The following ZNF735 variants were observed in gnomAD, a reference collection of about 807,000 sequenced individuals.
The protein encoded by ZNF735 is putative zinc finger protein 735.
A neutral mutation model predicts 13.4 loss-of-function variants in ZNF735; 11 were observed. The observed-to-expected ratio is 0.82, with a 90% CI of 0.52 to 1.36. The LOEUF (loss-of-function observed/expected upper bound fraction) is 1.36. Ranked by LOEUF, ZNF735 falls within the 40% of genes most tolerant of loss-of-function variation. The pLI, the probability that ZNF735 is intolerant of heterozygous loss-of-function variation, is 0.00. For missense variants in ZNF735, 500 were observed against 484.6 expected, an observed-to-expected ratio of 1.03 and a Z score of -0.30; for synonymous variants, 171 against 162.6, an observed-to-expected ratio of 1.05 and a Z score of -0.39.
At position 64,209,228 on chromosome 7, in the gene ZNF735, G is replaced by GTT. The variant is rs377315967; in HGVS notation, c.39+1998_39+1999dup. ...CCACAACCTCACAAGCATCTGTTCCGTTTTTTTTTTTTGACTTTTTAGTCT... is the reference window on the plus strand; with the variant it reads ...CCACAACCTCACAAGCATCTGTTCCGTTTTTTTTTTTTTTGACTTTTTAGTCT... On this transcript the variant is annotated intron_variant, in intron 1 of 3. Coordinates refer to ENST00000429565, the Ensembl canonical transcript of ZNF735. Among the ~76,000 whole-genome samples the GTT allele has an allele frequency of 3.8e-3, 533 of 139,904 alleles. 2 individuals carry two copies. Among genetic ancestry groups the GTT allele is most frequent in the East Asian group, 5.1e-3 (23 of 4,514 alleles). The allele number at this position is 139,904 out of a possible 152,430, so 91.8% of individuals were successfully genotyped here.
At chr7:64,220,235 G>C (rs765210917) in exon 4 of ZNF735, 2 of 1,612,256 alleles carry the variant, frequency 1.2e-6, no homozygotes, top group Non-Finnish European at 1.7e-6. Flanking sequence ...TGGCATTCAA[G>C]TCTTGCTAAA....
chr7:64,208,369 G>T (rs1304338431), intron 1 of ZNF735, among the ~76,000 whole-genome samples: 1 of 141,674 alleles, frequency 7.1e-6, no homozygotes, highest in Non-Finnish European at 1.5e-5. Flanking sequence ...TGATTGTCCT[G>T]CCTCAGCCTC....
intron 3 of ZNF735, among the ~76,000 whole-genome samples, chr7:64,216,164 C>T (rs1395111014): frequency 1.1e-4 from 16 of 151,772 alleles, no homozygotes; most frequent in African/African-American, 3.1e-4. Context: ...GGTGTAGTGG[C>T]GGGCACCTAT....
chr7:64,219,223 T>A lies in ZNF735; in HGVS notation c.263-91T>A. 2.7e-6 allele frequency: 4 copies of A among 1,481,966 alleles called. No homozygotes were observed. The South Asian group carries it at 5.6e-5, about 21-fold the overall frequency. The allele number at this position is 1,481,966 out of a possible 1,614,324, so 91.8% of individuals were successfully genotyped here. A position where few individuals can be genotyped will look rare whatever the true frequency, so the allele number is the denominator to read the frequency against. On this transcript the variant is annotated intron_variant, in intron 3 of 3. Transcript: ENST00000429565. ...GTATTTTGATATGCCATTTTGCTAA[T>A]GTACCTTGAACAATTTTATATATTT...
In ZNF735 at chr7:64,220,197, A is replaced by G. The variant is rs760454255; in HGVS notation, c.1146A>G (p.Lys382=). The change falls in exon 4 of 4, where the codon AAA becomes AAG. Residue 382 remains lysine, a synonymous_variant. Transcript: ENST00000429565. Reference sequence around the variant, plus strand: ...TTCATACTGGAGAGAAACCATACAAATGTGAAGAATGTGACAAAGCTTTTA... The same window carrying G: ...TTCATACTGGAGAGAAACCATACAAGTGTGAAGAATGTGACAAAGCTTTTA... 37 of 1,613,044 alleles carry G rather than the reference A, an allele frequency of 2.3e-5. No individual in the cohort carries two copies. In the East Asian group the frequency reaches 8.3e-4, roughly 36 times the overall value.
chr7:64,212,572 C>A (rs1787373576), intron 1 of ZNF735, among the ~76,000 whole-genome samples: 1 of 152,066 alleles, frequency 6.6e-6, no homozygotes, highest in African/African-American at 2.4e-5. Context: ...GTGAGTGGAT[C>A]ACGTGAGGTC....
intron 2 of ZNF735, 52 bp downstream of exon 2, chr7:64,213,270 C>A: frequency 2.6e-6 from 4 of 1,518,900 alleles, no homozygotes; most frequent in Non-Finnish European, 3.5e-6. Flanking sequence ...TCTCTCTTTT[C>A]TAAGATGATT....
chr7:64,211,030 G>A (rs1382738025), intron 1 of ZNF735, among the ~76,000 whole-genome samples: 1 of 152,156 alleles, frequency 6.6e-6, no homozygotes, highest in Non-Finnish European at 1.5e-5. Context: ...CCATCTGTTT[G>A]GAAATTGCAA....
At chr7:64,220,010 C>A in exon 4 of ZNF735, 11 of 1,612,372 alleles carry the variant, frequency 6.8e-6, no homozygotes, top group Non-Finnish European at 9.3e-6. Context: ...AGAATTCATA[C>A]TGGAGAGAAA....
intron 2 of ZNF735, 80 bp downstream of exon 2, chr7:64,213,298 G>C: frequency 1.4e-6 from 2 of 1,396,166 alleles, no homozygotes; most frequent in Non-Finnish European, 1.9e-6. Flanking sequence ...TTTCTGCTTT[G>C]CATGAATGAA....
rs748003378 is a variant in ZNF735, at chr7:64,219,943, A to T, written c.892A>T (p.Lys298Ter). 9.3e-6 allele frequency: 15 copies of T among 1,613,850 alleles called. No homozygotes were observed. The African/African-American group carries it at 1.9e-4, about 20-fold the overall frequency. Residue 298 changes from lysine to a stop codon, truncating the protein, a stop_gained, in exon 4 of 4, where the codon AAA (lysine) becomes TAA (stop). Coordinates refer to ENST00000429565, the Ensembl canonical transcript of ZNF735. LOFTEE classifies it low-confidence loss of function (END_TRUNC). ...AATTCATACTGGAGAGAGACCCTAC[A>T]AATGTGAAGAATGTGGCAAAGCCTT... is the stretch of plus-strand genomic sequence containing the variant.
chr7:64,214,947 T>TTGTATTTTATTTTGTATTTTATTTTG (rs1345940707), intron 3 of ZNF735, among the ~76,000 whole-genome samples: 1 of 152,132 alleles, frequency 6.6e-6, no homozygotes, highest in African/African-American at 2.4e-5. Context: ...TTTTGTATTG[T>TTGTATTTTATTTTGTATTTTATTTTG]TATTTTATTT....
chr7:64,219,490 C>G (rs756319560), exon 4 of ZNF735: 2 of 1,612,016 alleles, frequency 1.2e-6, no homozygotes, highest in African/African-American at 1.3e-5. Flanking sequence ...TGACCTTAAC[C>G]AATGTTTGTC....
chr7:64,208,244 GTTTT>G (rs71060562), intron 1 of ZNF735, among the ~76,000 whole-genome samples: 6 of 93,094 alleles, frequency 6.4e-5, no homozygotes, highest in East Asian at 2.9e-4. Flanking sequence ...TCCAATAAAT[GTTTT>G]TTTTTTTTTT....
chr7:64,215,797 C>A (rs1206077409), intron 3 of ZNF735, among the ~76,000 whole-genome samples: 1 of 152,128 alleles, frequency 6.6e-6, no homozygotes, highest in Non-Finnish European at 1.5e-5. Flanking sequence ...TTGTCTGCTC[C>A]TGGCAACCTT....
intron 1 of ZNF735, among the ~76,000 whole-genome samples, chr7:64,207,942 G>A (rs542938933): frequency 3.3e-5 from 5 of 151,872 alleles, no homozygotes; most frequent in South Asian, 2.1e-4. Context: ...AGCCGAGATC[G>A]CGCCATTGTA....
intron 1 of ZNF735, among the ~76,000 whole-genome samples, chr7:64,209,962 T>C (rs1482869281): frequency 5.3e-5 from 8 of 152,192 alleles, no homozygotes; most frequent in African/African-American, 1.9e-4. Context: ...AATTTCATCA[T>C]TTTGTATGTT....
chr7:64,216,077 C>T lies in ZNF735; in HGVS notation c.262+1969C>T, dbSNP rs530722543. On this transcript the variant is annotated intron_variant, in intron 3 of 3. Coordinates refer to ENST00000429565, the Ensembl canonical transcript of ZNF735. The stretch of plus-strand genomic sequence containing the variant: ...TTGGGAGGCTGAGGCGGGTGGATCA[C>T]GAGGTCAGGAGATCAAGACCATCCT... Among the ~76,000 whole-genome samples, 509 of 152,056 alleles carry T rather than the reference C, an allele frequency of 3.3e-3. 2 individuals are homozygous for T. Among genetic ancestry groups the T allele is most frequent in the African/African-American group, 0.012 (485 of 41,474 alleles).
chr7:64,212,954 TACTG>T, intron 1 of ZNF735, 134 bp from the exon 2 acceptor site: 1 of 876,410 alleles, frequency 1.1e-6, no homozygotes, highest in Non-Finnish European at 1.7e-6. Flanking sequence ...AAAATTATCT[TACTG>T]AGTAATTTCA....
Sources: allele counts gnomAD v4.1 joint callset (sites outside exome capture counted in the v4.1 genomes callset), GRCh38; gene constraint gnomAD v4.1.1; transcripts MANE v1.5; gene names NCBI Gene and HGNC (gene_info 2026-07-23, HGNC 2026-07-21).